Variants in WDR70 observed in about 807,000 individuals in gnomAD.
The protein encoded by WDR70 is WD repeat domain 70.
A neutral mutation model predicts 88.6 loss-of-function variants in WDR70; 53 were observed. The ratio of observed to expected loss-of-function variants is 0.60; its 90% confidence interval spans 0.48 to 0.75. The LOEUF is 0.75. WDR70 is among the 30% of genes least tolerant of loss of function. WDR70 has a pLI of 0.00. For synonymous variants in WDR70, 280 were observed against 270.0 expected, an observed-to-expected ratio of 1.04 and a Z score of -0.36; for missense variants, 610 against 823.2, an observed-to-expected ratio of 0.74 and a Z score of 3.17.
At chr5:37,715,913 A>AAC (rs541280848) in intron 13 of WDR70, among the ~76,000 whole-genome samples, 65 of 151,774 alleles carry the variant, frequency 4.3e-4, no homozygotes, top group South Asian at 1.2e-3. Context: ...TGCACACACA[A>AAC]ACACACACAC....
chr5:37,450,717 T>C (rs1320328587), intron 7 of WDR70, among the ~76,000 whole-genome samples: 1 of 152,216 alleles, frequency 6.6e-6, no homozygotes, highest in Non-Finnish European at 1.5e-5. Flanking sequence ...AGAAGTCATT[T>C]ATAAGAAAAC....
At chr5:37,654,040 T>G (rs1056116523) in intron 10 of WDR70, among the ~76,000 whole-genome samples, 3 of 152,174 alleles carry the variant, frequency 2.0e-5, no homozygotes, top group African/African-American at 7.2e-5. Context: ...GACGTTAGGG[T>G]GTCGATTTTA....
At chr5:37,637,751 G>C (rs2112536434) in intron 10 of WDR70, among the ~76,000 whole-genome samples, 1 of 152,298 alleles carries the variant, frequency 6.6e-6, no homozygotes, top group Middle Eastern at 3.4e-3. Flanking sequence ...CTTGGAAGTG[G>C]AGCACAGTTC....
intron 10 of WDR70, among the ~76,000 whole-genome samples, chr5:37,643,846 G>T: frequency 6.6e-6 from 1 of 151,934 alleles, no homozygotes; most frequent in Non-Finnish European, 1.5e-5. Flanking sequence ...TATCTTGCAA[G>T]TTTACTGAAT....
chr5:37,394,304 AAT>A (rs1491318896), intron 4 of WDR70, among the ~76,000 whole-genome samples: 6 of 148,668 alleles, frequency 4.0e-5, no homozygotes, highest in African/African-American at 1.5e-4. Context: ...AAAAAAAAAA[AAT>A]CTGTTTTAAA....
At chr5:37,602,496 A>G (rs1743914997) in intron 9 of WDR70, among the ~76,000 whole-genome samples, 1 of 151,660 alleles carries the variant, frequency 6.6e-6, no homozygotes. Flanking sequence ...AATCCCAGCT[A>G]CTCGGGAAGC....
intron 8 of WDR70, among the ~76,000 whole-genome samples, chr5:37,503,233 C>G (rs1166436437): frequency 6.6e-6 from 1 of 151,002 alleles, no homozygotes; most frequent in Non-Finnish European, 1.5e-5. Context: ...AGGATTCCCT[C>G]CTTTTTCTCA....
chr5:37,641,821 A>G (rs1021241760), intron 10 of WDR70, among the ~76,000 whole-genome samples: 7 of 152,134 alleles, frequency 4.6e-5, no homozygotes, highest in African/African-American at 1.4e-4. Context: ...TGCTATAGGT[A>G]CTGGTGACTG....
chr5:37,598,141 T>C (rs1743755664), intron 9 of WDR70, among the ~76,000 whole-genome samples: 1 of 152,212 alleles, frequency 6.6e-6, no homozygotes, highest in Non-Finnish European at 1.5e-5. Context: ...CTGTTTGCTA[T>C]GTTTCCCAAA....
chr5:37,522,860 T>C lies in WDR70; in HGVS notation c.917+6270T>C, dbSNP rs563587603. Reference sequence around the variant, plus strand: ...TCTGTGCCTGGCTCAGAGGGTCCTGTGCCCACGGAGCCTCGCTCATTGCTA... The same window carrying C: ...TCTGTGCCTGGCTCAGAGGGTCCTGCGCCCACGGAGCCTCGCTCATTGCTA... On this transcript the variant is annotated intron_variant, in intron 9 of 17. Coordinates refer to ENST00000265107, the MANE Select transcript of WDR70 (RefSeq NM_018034.4). 3.1e-3 allele frequency among the ~76,000 whole-genome samples: 465 copies of C among 152,318 alleles called. 5 individuals carry two copies. Among genetic ancestry groups the C allele is most frequent in the African/African-American group, 0.011 (451 of 41,568 alleles).
intron 5 of WDR70, among the ~76,000 whole-genome samples, chr5:37,415,577 T>C (rs1375530664): frequency 5.3e-5 from 5 of 94,944 alleles, no homozygotes; most frequent in South Asian, 3.9e-4. Flanking sequence ...ACCCCCCACC[T>C]CCCTCCCGGA....
In WDR70 at chr5:37,752,912, C is replaced by G. The variant is rs1484766751; in HGVS notation, c.*339C>G. The G allele has an allele frequency of 5.6e-6, 1 of 179,282 alleles. No individual in the cohort carries two copies. The highest frequency in any genetic ancestry group is 1.1e-5 in the Non-Finnish European group (1 of 87,068). The allele number at this position is 179,282 out of a possible 1,614,324, so 11.1% of individuals were successfully genotyped here. A position where few individuals can be genotyped will look rare whatever the true frequency, so the allele number is the denominator to read the frequency against. On this transcript the variant is annotated 3_prime_UTR_variant, in exon 18 of 18. Coordinates refer to ENST00000265107, the MANE Select transcript of WDR70 (RefSeq NM_018034.4). ...TGTACATTAAGATGTGCATCTGTCTCTAGCAATTCTAGGAACATAATATAG... is the reference window on the plus strand; with the variant it reads ...TGTACATTAAGATGTGCATCTGTCTGTAGCAATTCTAGGAACATAATATAG...
At position 37,653,290 on chromosome 5, in the gene WDR70, C is replaced by T. The variant is rs368080751; in HGVS notation, c.1093-44365C>T. On this transcript the variant is annotated intron_variant, in intron 10 of 17. Transcript: ENST00000265107. ...CAGCCTTGCATCCCGGGGATGAAGC[C>T]GACTTGATCATGGTGGATAAGCTTT... Among the ~76,000 whole-genome samples, 39 of 152,156 alleles carry T rather than the reference C, an allele frequency of 2.6e-4. No individual in the cohort carries two copies. In the East Asian group the frequency reaches 3.9e-3, roughly 15 times the overall value.
chr5:37,613,410 A>G (rs962014843), intron 10 of WDR70, among the ~76,000 whole-genome samples: 5 of 152,206 alleles, frequency 3.3e-5, no homozygotes, highest in Non-Finnish European at 5.9e-5. Flanking sequence ...TGGAAGCCAG[A>G]TGCATAAATG....
intron 7 of WDR70, among the ~76,000 whole-genome samples, chr5:37,476,574 G>A (rs1367032048): frequency 6.1e-5 from 9 of 148,260 alleles, no homozygotes; most frequent in Non-Finnish European, 1.3e-4. Context: ...TTTCTGAGAC[G>A]GAGTCTCGCT....
chr5:37,461,317 GAA>G (rs1024844227), intron 7 of WDR70, among the ~76,000 whole-genome samples: 1 of 152,068 alleles, frequency 6.6e-6, no homozygotes, highest in African/African-American at 2.4e-5. Flanking sequence ...GACACAGGCT[GAA>G]AAGATTCTTC....
At chr5:37,709,706 C>T (rs1240318011) in intron 13 of WDR70, among the ~76,000 whole-genome samples, 1 of 152,190 alleles carries the variant, frequency 6.6e-6, no homozygotes, top group Non-Finnish European at 1.5e-5. Context: ...TCAAGAAGTG[C>T]AGTGGTCACT....
rs139729197 is a variant in WDR70, at chr5:37,532,792, A to G, written c.917+16202A>G. Among the ~76,000 whole-genome samples, 850 of 152,212 alleles carry G rather than the reference A, an allele frequency of 5.6e-3. 12 individuals are homozygous for G. Among genetic ancestry groups the G allele is most frequent in the African/African-American group, 0.02 (810 of 41,538 alleles). On this transcript the variant is annotated intron_variant, in intron 9 of 17. Transcript: ENST00000265107. ...AGATATTTCATTTTCATTTAGATCC[A>G]TTGCTGGTGAGCTAGTATGATCTTT...
At chr5:37,657,533 G>T (rs550368851) in intron 10 of WDR70, among the ~76,000 whole-genome samples, 2 of 152,198 alleles carry the variant, frequency 1.3e-5, no homozygotes, top group Non-Finnish European at 2.9e-5. Context: ...GGTAATGAGA[G>T]GGTCTTTTAT....
Sources: allele counts gnomAD v4.1 joint callset (sites outside exome capture counted in the v4.1 genomes callset), GRCh38; gene constraint gnomAD v4.1.1; transcripts MANE v1.5; gene names NCBI Gene and HGNC (gene_info 2026-07-23, HGNC 2026-07-21).